Variants in KCNQ5 observed in about 807,000 individuals in gnomAD.
KCNQ5 encodes the protein potassium voltage-gated channel subfamily KQT member 5.
KCNQ5 carries 30 observed loss-of-function variants against 98.2 expected under a neutral mutation model. The observed-to-expected ratio is 0.31, with a 90% CI of 0.23 to 0.41. The LOEUF is 0.41. Among genes scored for constraint, KCNQ5 ranks in the 10% least tolerant of loss-of-function variants. The probability of loss-of-function intolerance (pLI) is 1.00; values close to 1 mark genes in which losing one functional copy is unlikely to be tolerated. For synonymous variants in KCNQ5, 458 were observed against 449.4 expected (o/e 1.02, Z -0.24); for missense variants, 835 against 1,182.5 (o/e 0.71, Z 4.31).
chr6:72,977,325 C>T (rs538279016), intron 1 of KCNQ5, among the ~76,000 whole-genome samples: 1 of 152,216 alleles, frequency 6.6e-6, no homozygotes, highest in Non-Finnish European at 1.5e-5. Context: ...CACACAAAAG[C>T]ATCAAGTTTC....
intron 1 of KCNQ5, among the ~76,000 whole-genome samples, chr6:72,840,908 A>G (rs1012334531): frequency 6.6e-6 from 1 of 152,180 alleles, no homozygotes; most frequent in Non-Finnish European, 1.5e-5. Flanking sequence ...GTTGTTTTAC[A>G]TGAAGTCTAC....
At chr6:72,766,203 A>ACCCTAGG (rs1344878911) in intron 1 of KCNQ5, among the ~76,000 whole-genome samples, 1 of 151,938 alleles carries the variant, frequency 6.6e-6, no homozygotes, top group Non-Finnish European at 1.5e-5. Context: ...TAGCAAGAAG[A>ACCCTAGG]CCCTAGGATG....
At chr6:73,120,393 T>G (rs887212695) in intron 7 of KCNQ5, 90 bp from the exon 8 acceptor site, 211 of 864,264 alleles carry the variant, frequency 2.4e-4, no homozygotes, top group Non-Finnish European at 3.0e-4. Context: ...AGATTCTTCA[T>G]GTGTAGTAAC....
At chr6:72,638,013 A>C (rs915830559) in intron 1 of KCNQ5, among the ~76,000 whole-genome samples, 3 of 152,226 alleles carry the variant, frequency 2.0e-5, no homozygotes, top group Non-Finnish European at 4.4e-5. Context: ...TTCCCAAACG[A>C]AGCAGCTACC....
intron 1 of KCNQ5, among the ~76,000 whole-genome samples, chr6:72,804,948 G>A (rs550824603): frequency 6.6e-6 from 1 of 152,148 alleles, no homozygotes; most frequent in East Asian, 1.9e-4. Context: ...ATACCTGTTT[G>A]CAATTTGTAT....
intron 9 of KCNQ5, among the ~76,000 whole-genome samples, chr6:73,126,476 A>G (rs1775991594): frequency 6.6e-6 from 1 of 152,256 alleles, no homozygotes. Flanking sequence ...TCACTAGTCC[A>G]AAAACAAGCT....
intron 5 of KCNQ5, among the ~76,000 whole-genome samples, chr6:73,100,919 C>T (rs1774747309): frequency 6.6e-6 from 1 of 151,988 alleles, no homozygotes; most frequent in African/African-American, 2.4e-5. Flanking sequence ...TACATACAAC[C>T]TACCAACATT....
intron 2 of KCNQ5, among the ~76,000 whole-genome samples, chr6:73,031,687 G>A (rs567432276): frequency 1.3e-5 from 2 of 152,144 alleles, no homozygotes; most frequent in African/African-American, 4.8e-5. Context: ...TAAACTCCTC[G>A]AGGGTGACAG....
At chr6:72,753,007 A>G (rs908114989) in intron 1 of KCNQ5, among the ~76,000 whole-genome samples, 1 of 152,108 alleles carries the variant, frequency 6.6e-6, no homozygotes, top group Non-Finnish European at 1.5e-5. Context: ...ATTAAAATGT[A>G]AGGCAAGTTT....
intron 1 of KCNQ5, among the ~76,000 whole-genome samples, chr6:72,967,170 A>G (rs1767658645): frequency 1.3e-5 from 2 of 152,184 alleles, no homozygotes; most frequent in African/African-American, 4.8e-5. Flanking sequence ...ATTTAATGAT[A>G]TGACTCTTAG....
intron 1 of KCNQ5, among the ~76,000 whole-genome samples, chr6:72,716,559 T>TA (rs1769655566): frequency 6.6e-6 from 1 of 152,252 alleles, no homozygotes; most frequent in Non-Finnish European, 1.5e-5. Flanking sequence ...CTTTACTTTT[T>TA]ATCAATTAAT....
chr6:72,890,676 G>A (rs1304191932), intron 1 of KCNQ5, among the ~76,000 whole-genome samples: 2 of 152,144 alleles, frequency 1.3e-5, no homozygotes, highest in African/African-American at 4.8e-5. Context: ...GATCGAAATA[G>A]ATTTGTATTT....
At chr6:72,674,320 T>C (rs999547850) in intron 1 of KCNQ5, among the ~76,000 whole-genome samples, 1 of 152,064 alleles carries the variant, frequency 6.6e-6, no homozygotes, top group Non-Finnish European at 1.5e-5. Flanking sequence ...CAAGAGATGC[T>C]AAATGGAGAT....
intron 3 of KCNQ5, among the ~76,000 whole-genome samples, chr6:73,048,962 A>C (rs554609161): frequency 1.3e-5 from 2 of 152,266 alleles, no homozygotes; most frequent in East Asian, 3.9e-4. Context: ...TCTTTTGAGA[A>C]ATTGTCCCTT....
intron 1 of KCNQ5, among the ~76,000 whole-genome samples, chr6:72,857,134 A>G (rs1198763632): frequency 6.6e-6 from 1 of 152,232 alleles, no homozygotes; most frequent in East Asian, 1.9e-4. Context: ...GCCTTTCCCA[A>G]CAGAAAGATA....
At chr6:73,140,985 C>A (rs1462967999) in intron 10 of KCNQ5, among the ~76,000 whole-genome samples, 1 of 152,218 alleles carries the variant, frequency 6.6e-6, no homozygotes, top group Non-Finnish European at 1.5e-5. Flanking sequence ...ACCTCTCAAT[C>A]TCTGGTTTCA....
chr6:72,759,793 C>T (rs531273269), intron 1 of KCNQ5, among the ~76,000 whole-genome samples: 6 of 151,968 alleles, frequency 3.9e-5, no homozygotes, highest in African/African-American at 1.4e-4. Flanking sequence ...TTTCTAGTCA[C>T]ATTAAAATAG....
chr6:73,187,876 G>C (rs1279092742), intron 11 of KCNQ5, among the ~76,000 whole-genome samples: 1 of 152,152 alleles, frequency 6.6e-6, no homozygotes, highest in Non-Finnish European at 1.5e-5. Flanking sequence ...GAAAGGAAGA[G>C]AGAAAAGCAA....
At chr6:72,694,306 G>C (rs1334282433) in intron 1 of KCNQ5, among the ~76,000 whole-genome samples, 3 of 152,118 alleles carry the variant, frequency 2.0e-5, no homozygotes, top group African/African-American at 7.2e-5. Context: ...CCTGTGGCTG[G>C]GCAGGAAGAC....
Sources: gnomAD v4.1 joint callset for allele counts (sites outside exome capture counted in the v4.1 genomes callset) on GRCh38, gnomAD v4.1.1 for gene constraint, MANE v1.5 for transcripts, NCBI Gene and HGNC (gene_info 2026-07-23, HGNC 2026-07-21) for gene names.